CMTM4: variants seen among roughly 807,000 people sequenced by gnomAD.
The protein encoded by CMTM4 is CKLF like MARVEL transmembrane domain containing 4.
CMTM4 carries 8 observed loss-of-function variants against 19.0 expected under a neutral mutation model. The observed-to-expected ratio is 0.42, with a 90% CI of 0.25 to 0.76. CMTM4 has a LOEUF of 0.76. CMTM4 is among the 30% of genes least tolerant of loss of function. CMTM4 has a pLI of 0.27. For synonymous variants in CMTM4, 106 were observed against 121.1 expected (o/e 0.88, Z 0.82); for missense variants, 228 against 290.2 (o/e 0.79, Z 1.56).
intron 1 of CMTM4, among the ~76,000 whole-genome samples, chr16:66,646,470 G>T (rs1283633063): frequency 6.6e-6 from 1 of 151,950 alleles, no homozygotes; most frequent in Non-Finnish European, 1.5e-5. Context: ...GATTCAGGAA[G>T]AATCTATAGT....
At chr16:66,610,465 T>TA, downstream of CMTM4, among the ~76,000 whole-genome samples, 1 of 152,042 alleles carries the variant, frequency 6.6e-6, no homozygotes. The surrounding 1 kb of genome is among the most constrained non-coding windows in gnomAD (Gnocchi z 4.6). Context: ...AGGGGCCAGA[T>TA]GGGGCAGCAA....
chr16:66,683,165 A>ATATATATG (rs2016957866), intron 1 of CMTM4, among the ~76,000 whole-genome samples: 2 of 104,632 alleles, frequency 1.9e-5, no homozygotes, highest in South Asian at 3.4e-4. Flanking sequence ...ATATACGTAT[A>ATATATATG]TATATATATA....
In CMTM4 at chr16:66,614,758, C is replaced by T. The variant is rs1286518898; in HGVS notation, c.*7300G>A. On this transcript the variant is annotated 3_prime_UTR_variant, in exon 4 of 4. Coordinates refer to ENST00000394106, the MANE Select transcript of CMTM4 (RefSeq NM_181521.3). The surrounding 1 kb of genome is among the most constrained non-coding windows in gnomAD (Gnocchi z 4.9). The stretch of plus-strand genomic sequence containing the variant: ...GAGGAGAGACAACGACATCCTTACA[C>T]GTCCATTTATTAAACAAGTTCCTTC... 6.6e-6 allele frequency: 1 copy of T among 152,184 alleles called. No homozygotes were observed. Among genetic ancestry groups the T allele is most frequent in the Non-Finnish European group, 1.5e-5 (1 of 68,020 alleles). 9.4% of individuals were successfully genotyped at this position (152,184 alleles called of 1,614,324 possible). A position where few individuals can be genotyped will look rare whatever the true frequency, so the allele number is the denominator to read the frequency against.
intron 2 of CMTM4, among the ~76,000 whole-genome samples, chr16:66,628,368 A>G (rs779333332): frequency 3.9e-5 from 6 of 152,220 alleles, no homozygotes; most frequent in Non-Finnish European, 8.8e-5. Context: ...ATTTCAGACT[A>G]TCTCACGGGG....
At chr16:66,625,114 A>G (rs2015709898) in intron 2 of CMTM4, among the ~76,000 whole-genome samples, 1 of 152,228 alleles carries the variant, frequency 6.6e-6, no homozygotes, top group Non-Finnish European at 1.5e-5. Flanking sequence ...CAGTGACTAC[A>G]TAAAAACAGA....
intron 1 of CMTM4, among the ~76,000 whole-genome samples, chr16:66,653,805 C>T (rs891012724): frequency 1.3e-5 from 2 of 152,202 alleles, no homozygotes; most frequent in African/African-American, 4.8e-5. Context: ...GCAATCTCGG[C>T]TCACTGCAAC....
At chr16:66,602,556 T>C in the CMTM4 span, among the ~76,000 whole-genome samples, 4 of 151,998 alleles carry the variant, frequency 2.6e-5, no homozygotes, top group African/African-American at 9.7e-5. Flanking sequence ...TTTTCTTTCA[T>C]ACAGAGTCTC....
At chr16:66,649,241 A>G (rs1250169144) in intron 1 of CMTM4, among the ~76,000 whole-genome samples, 2 of 152,134 alleles carry the variant, frequency 1.3e-5, no homozygotes, top group Non-Finnish European at 2.9e-5. Flanking sequence ...AAAGTTCCTG[A>G]GGTGGGTGTG....
intron 2 of CMTM4, among the ~76,000 whole-genome samples, chr16:66,628,916 T>C (rs1030778938): frequency 6.6e-6 from 1 of 152,274 alleles, no homozygotes; most frequent in Non-Finnish European, 1.5e-5. Flanking sequence ...GCTATGAACC[T>C]ACAAGCTTTT....
At chr16:66,640,329 AG>A (rs2016076628) in intron 1 of CMTM4, among the ~76,000 whole-genome samples, 1 of 152,150 alleles carries the variant, frequency 6.6e-6, no homozygotes, top group Admixed American at 6.5e-5. Flanking sequence ...AAATAAATAA[AG>A]TTTAGACAGA....
intron 1 of CMTM4, among the ~76,000 whole-genome samples, chr16:66,674,374 G>A (rs1298244546): frequency 2.0e-5 from 3 of 152,190 alleles, no homozygotes. Flanking sequence ...GGCCAACACT[G>A]CAGAGACAGG....
chr16:66,680,019 A>C (rs544298411), intron 1 of CMTM4, among the ~76,000 whole-genome samples: 7 of 152,294 alleles, frequency 4.6e-5, no homozygotes, highest in Non-Finnish European at 8.8e-5. Flanking sequence ...CAACATTAAC[A>C]GTGCCTGCCT....
In CMTM4 at chr16:66,641,421, T is replaced by G. The variant is rs116897495; in HGVS notation, c.187-4840A>C. Reference sequence around the variant, plus strand: ...TATCAGGGAGGGAAAACTCTTGTTGTTATAAAACATTAATATTCTACTCAT... The same window carrying G: ...TATCAGGGAGGGAAAACTCTTGTTGGTATAAAACATTAATATTCTACTCAT... On this transcript the variant is annotated intron_variant, in intron 1 of 3. Transcript: ENST00000394106. Among the ~76,000 whole-genome samples, 642 of 152,328 alleles carry G rather than the reference T, an allele frequency of 4.2e-3. 7 individuals are homozygous for G. The highest frequency in any genetic ancestry group is 5.3e-3 in the Non-Finnish European group (361 of 68,020).
chr16:66,633,108 TATATATATAA>T (rs1461758322), intron 2 of CMTM4, among the ~76,000 whole-genome samples: 74 of 77,236 alleles, frequency 9.6e-4, no homozygotes, highest in Non-Finnish European at 1.9e-3. Context: ...TATAAATATA[TATATATATAA>T]ATATATATAT....
At chr16:66,675,023 G>A (rs1381169852) in intron 1 of CMTM4, among the ~76,000 whole-genome samples, 3 of 151,020 alleles carry the variant, frequency 2.0e-5, no homozygotes, top group Admixed American at 1.3e-4. Flanking sequence ...GATTACAGGC[G>A]TGAGCCACCG....
intron 1 of CMTM4, among the ~76,000 whole-genome samples, chr16:66,690,625 C>T (rs556430900): frequency 6.6e-6 from 1 of 152,184 alleles, no homozygotes; most frequent in Non-Finnish European, 1.5e-5. Flanking sequence ...CCATTACCCA[C>T]CCCTGAAGTG....
At chr16:66,605,128 C>T in the CMTM4 span, 1 of 535,458 alleles carries the variant, frequency 1.9e-6, no homozygotes, top group Non-Finnish European at 3.0e-6. The surrounding 1 kb of genome is among the most constrained non-coding windows in gnomAD (Gnocchi z 4.6). Context: ...GGTCCCCAAA[C>T]TTTGGACGGC....
At position 66,619,586 on chromosome 16, in the gene CMTM4, A is replaced by C. The variant is rs1413280344; in HGVS notation, c.*2472T>G. Reference sequence around the variant, plus strand: ...CAGATATCGATTGTCTTCTGTTTGCATATAGAGGCAATATAAGAAAAATAT... The same window carrying C: ...CAGATATCGATTGTCTTCTGTTTGCCTATAGAGGCAATATAAGAAAAATAT... On this transcript the variant is annotated 3_prime_UTR_variant, in exon 4 of 4. Transcript: ENST00000394106. 6 of 985,280 alleles carry C rather than the reference A, an allele frequency of 6.1e-6. No homozygotes were observed. Among genetic ancestry groups the C allele is most frequent in the Middle Eastern group, 5.2e-4 (1 of 1,936 alleles). The allele number at this position is 985,280 out of a possible 1,614,324, so 61.0% of individuals were successfully genotyped here.
Position 66,620,988 on chromosome 16 carries a change from C to G in CMTM4, c.*1070G>C. ...GATGTCTACAGTTATGACACTGAGG[C>G]GCCCAAAGCGACAATTAGTGCCTTC... On this transcript the variant is annotated 3_prime_UTR_variant, in exon 4 of 4. Transcript: ENST00000394106. 1 of 985,860 alleles carries G rather than the reference C, an allele frequency of 1.0e-6. No homozygotes were observed. Among genetic ancestry groups the G allele is most frequent in the Non-Finnish European group, 1.2e-6 (1 of 829,936 alleles). The allele number at this position is 985,860 out of a possible 1,614,324, so 61.1% of individuals were successfully genotyped here.
Sources: gnomAD v4.1 joint callset for allele counts (sites outside exome capture counted in the v4.1 genomes callset) on GRCh38, gnomAD v4.1.1 for gene constraint, Gnocchi (gnomAD v3.1) non-coding constraint, MANE v1.5 for transcripts, NCBI Gene and HGNC (gene_info 2026-07-23, HGNC 2026-07-21) for gene names.